The following TMEM232 variants were observed in gnomAD, a reference collection of about 807,000 sequenced individuals.
TMEM232 encodes transmembrane protein 232.
Under a neutral mutation model 78.8 loss-of-function variants are expected in TMEM232, and 80 were observed. The ratio of observed to expected loss-of-function variants is 1.01; its 90% CI spans 0.85 to 1.22. TMEM232 has a LOEUF of 1.22. Ranked by LOEUF, TMEM232 falls within the 50% of genes most tolerant of loss-of-function variation. The pLI is 0.00. For missense variants in TMEM232, 881 were observed against 742.2 expected, an observed-to-expected ratio of 1.19 and a Z score of -2.17; for synonymous variants, 297 against 254.3, an observed-to-expected ratio of 1.17 and a Z score of -1.60.
chr5:110,516,248 A>C (rs567198650), intron 12 of TMEM232, among the ~76,000 whole-genome samples: 14 of 150,918 alleles, frequency 9.3e-5, no homozygotes, highest in Non-Finnish European at 1.6e-4. Flanking sequence ...CCCGCAGCCC[A>C]AAAAAAAAAT....
In TMEM232 at chr5:110,487,326, G is replaced by A. The variant is rs193221246; in HGVS notation, c.1703+41262C>T. ...TTCTTTCTCTTGTCTGATTGCTCTGGCTAGGACTTCCAGTAATATGTTGAA... is the reference window on the plus strand; with the variant it reads ...TTCTTTCTCTTGTCTGATTGCTCTGACTAGGACTTCCAGTAATATGTTGAA... On this transcript the variant is annotated intron_variant, in intron 12 of 13. Transcript: ENST00000455884. Among the ~76,000 whole-genome samples, 28 of 152,092 alleles carry A rather than the reference G, an allele frequency of 1.8e-4. No individual in the cohort carries two copies. The East Asian group carries it at 2.5e-3, about 14-fold the overall frequency.
intron 2 of TMEM232, among the ~76,000 whole-genome samples, chr5:110,653,950 T>C (rs991968135): frequency 1.3e-5 from 2 of 152,100 alleles, no homozygotes; most frequent in African/African-American, 2.4e-5. Flanking sequence ...AGAGGAAGAA[T>C]ACTAAGAAAA....
intron 2 of TMEM232, among the ~76,000 whole-genome samples, chr5:110,646,109 A>G (rs2150037708): frequency 6.6e-6 from 1 of 151,850 alleles, no homozygotes; most frequent in South Asian, 2.1e-4. Context: ...ACATAGAAAG[A>G]CATCCTGTGT....
intron 11 of TMEM232, among the ~76,000 whole-genome samples, chr5:110,546,176 A>G (rs1773755732): frequency 6.6e-6 from 1 of 152,100 alleles, no homozygotes; most frequent in African/African-American, 2.4e-5. Flanking sequence ...AAATATAATA[A>G]GAGTTACAGA....
intron 2 of TMEM232, among the ~76,000 whole-genome samples, chr5:110,400,737 T>A (rs1755561568): frequency 6.6e-6 from 1 of 152,036 alleles, no homozygotes; most frequent in African/African-American, 2.4e-5. Flanking sequence ...ATGGGAACAA[T>A]GATTTTCAAG....
chr5:110,736,758 C>CA (rs1799213557), intron 1 of TMEM232, among the ~76,000 whole-genome samples: 1 of 152,008 alleles, frequency 6.6e-6, no homozygotes, highest in South Asian at 2.1e-4. Flanking sequence ...CCTCTACTCT[C>CA]AAAAAACCTA....
Position 110,393,031 on chromosome 5 carries a change from C to T in TMEM232, n.391-2391G>A, listed in dbSNP as rs116028900. On this transcript the variant is annotated intron_variant and non_coding_transcript_variant, in intron 3 of 8. Coordinates refer to the TMEM232 transcript ENST00000507188. The stretch of plus-strand genomic sequence containing the variant: ...TACTAATTTAATTCTGTTACTGTGT[C>T]AGAACACTGAATAATTTCAATTATT... Among the ~76,000 whole-genome samples, 290 of 152,258 alleles carry T rather than the reference C, an allele frequency of 1.9e-3. 2 individuals carry two copies. The highest frequency in any genetic ancestry group is 6.5e-3 in the African/African-American group (270 of 41,550).
At chr5:110,626,143 G>A (rs1024969137) in intron 6 of TMEM232, among the ~76,000 whole-genome samples, 2 of 151,930 alleles carry the variant, frequency 1.3e-5, no homozygotes, top group Non-Finnish European at 2.9e-5. Flanking sequence ...TATTTGGTAA[G>A]AGGGCACAAT....
intron 5 of TMEM232, among the ~76,000 whole-genome samples, chr5:110,628,333 C>G (rs1784675361): frequency 6.6e-6 from 1 of 152,058 alleles, no homozygotes. Flanking sequence ...CTAAGCATCT[C>G]TGTCAAAACA....
chr5:110,419,340 A>G (rs1756431931), downstream of TMEM232, among the ~76,000 whole-genome samples: 1 of 152,166 alleles, frequency 6.6e-6, no homozygotes, highest in South Asian at 2.1e-4. Flanking sequence ...CAGGAAATCA[A>G]AACAGCAACC....
chr5:110,643,929 T>C (rs925383714), intron 2 of TMEM232, among the ~76,000 whole-genome samples: 1 of 152,004 alleles, frequency 6.6e-6, no homozygotes, highest in Non-Finnish European at 1.5e-5. Context: ...ATTTTTTAAA[T>C]GGGCAGTTAA....
At chr5:110,661,177 T>G (rs116640929) in intron 2 of TMEM232, among the ~76,000 whole-genome samples, 7 of 152,248 alleles carry the variant, frequency 4.6e-5, no homozygotes, top group Non-Finnish European at 1.0e-4. Flanking sequence ...GATTCTTTTA[T>G]GGTTTAATAA....
chr5:110,604,784 C>A (rs1363159480), intron 10 of TMEM232, among the ~76,000 whole-genome samples: 1 of 152,038 alleles, frequency 6.6e-6, no homozygotes, highest in African/African-American at 2.4e-5. Context: ...ATGGCAAAAC[C>A]CCAGCTCTAC....
Position 110,412,028 on chromosome 5 carries a change from T to C in TMEM232, n.308+12795A>G, listed in dbSNP as rs80321310. Among the ~76,000 whole-genome samples, 308 of 152,330 alleles carry C rather than the reference T, an allele frequency of 2.0e-3. 1 individual carries two copies. Among genetic ancestry groups the C allele is most frequent in the African/African-American group, 6.8e-3 (281 of 41,574 alleles). On this transcript the variant is annotated intron_variant and non_coding_transcript_variant, in intron 2 of 8. Coordinates refer to the TMEM232 transcript ENST00000507188. ...AAAATAACATTCATGTTACATCCTG[T>C]GTCCCATCTTCTTAGTGCTTTGATC...
At chr5:110,547,566 A>G (rs1270175842) in intron 11 of TMEM232, among the ~76,000 whole-genome samples, 1 of 152,214 alleles carries the variant, frequency 6.6e-6, no homozygotes, top group East Asian at 1.9e-4. Context: ...TTTATAACCT[A>G]AGTCATAAAA....
At chr5:110,695,470 A>C (rs1284108258) in intron 1 of TMEM232, among the ~76,000 whole-genome samples, 5 of 152,194 alleles carry the variant, frequency 3.3e-5, no homozygotes, top group African/African-American at 1.2e-4. Flanking sequence ...AACTGAAGGG[A>C]ATAGAGACAC....
At chr5:110,459,899 G>GGAAAA (rs1423043324) in intron 12 of TMEM232, among the ~76,000 whole-genome samples, 1 of 151,968 alleles carries the variant, frequency 6.6e-6, no homozygotes, top group Non-Finnish European at 1.5e-5. Context: ...CTAATCATGA[G>GGAAAA]GAAAAATTAA....
At chr5:110,456,726 C>A (rs375243579) in intron 12 of TMEM232, among the ~76,000 whole-genome samples, 1 of 152,082 alleles carries the variant, frequency 6.6e-6, no homozygotes, top group Non-Finnish European at 1.5e-5. Flanking sequence ...TGCACATACA[C>A]AGTCAACTGC....
Position 110,484,877 on chromosome 5 carries a change from C to T in TMEM232, c.1703+43711G>A, listed in dbSNP as rs146099349. On this transcript the variant is annotated intron_variant, in intron 12 of 13. Coordinates refer to ENST00000455884, the MANE Select transcript of TMEM232 (RefSeq NM_001039763.4). ...AAAAGAGTAACTGACAATTCAACAA[C>T]GGTCAAGACCTCAACACCCTACTTT... Among the ~76,000 whole-genome samples, 326 of 151,992 alleles carry T rather than the reference C, an allele frequency of 2.1e-3. 2 individuals carry two copies. The highest frequency in any genetic ancestry group is 7.4e-3 in the African/African-American group (305 of 41,482).
Sources: allele counts gnomAD v4.1 joint callset (sites outside exome capture counted in the v4.1 genomes callset), GRCh38; gene constraint gnomAD v4.1.1; transcripts MANE v1.5; gene names NCBI Gene and HGNC (gene_info 2026-07-23, HGNC 2026-07-21).